Variants in RPS6KA5 observed in about 807,000 individuals in gnomAD.
RPS6KA5 encodes the protein ribosomal protein S6 kinase alpha-5.
RPS6KA5 carries 27 observed loss-of-function variants against 85.5 expected under a neutral mutation model. The ratio of observed to expected loss-of-function variants is 0.32; its 90% CI spans 0.23 to 0.44. The LOEUF (loss-of-function observed/expected upper bound fraction) is 0.44, where lower values mean the gene tolerates loss of function less well. Ranked by LOEUF, RPS6KA5 falls within the 20% of genes least tolerant of loss-of-function variation. The pLI, the probability that RPS6KA5 is intolerant of heterozygous loss-of-function variation, is 1.00. For synonymous variants in RPS6KA5, 334 were observed against 348.2 expected (o/e 0.96, Z 0.46); for missense variants, 811 against 980.9 (o/e 0.83, Z 2.31).
chr14:90,988,759 G>A (rs1235689531), intron 2 of RPS6KA5, among the ~76,000 whole-genome samples: 1 of 152,172 alleles, frequency 6.6e-6, no homozygotes, highest in Admixed American at 6.5e-5. Context: ...GTTGCAGTGA[G>A]CTGAGATCAT....
At chr14:90,927,865 T>C (rs1453749676) in intron 5 of RPS6KA5, among the ~76,000 whole-genome samples, 1 of 151,982 alleles carries the variant, frequency 6.6e-6, no homozygotes, top group East Asian at 1.9e-4. Flanking sequence ...CAAAATCCTG[T>C]ATCCATCAAT....
At chr14:90,910,089 A>AT (rs201309267) in intron 7 of RPS6KA5, among the ~76,000 whole-genome samples, 1 of 149,072 alleles carries the variant, frequency 6.7e-6, no homozygotes, top group Non-Finnish European at 1.5e-5. Context: ...AACTTGCATT[A>AT]TTTAAAAAAA....
rs146058435 is a variant in RPS6KA5, at chr14:90,975,363, T to C, written c.394+2943A>G. On this transcript the variant is annotated intron_variant, in intron 3 of 16. Coordinates refer to ENST00000614987, the MANE Select transcript of RPS6KA5 (RefSeq NM_004755.4). Reference sequence around the variant, plus strand: ...CTGAACTGTATCTTCCCAAAACTCATTATGTTGAAGTCCTAGCCTCCAGTA... The same window carrying C: ...CTGAACTGTATCTTCCCAAAACTCACTATGTTGAAGTCCTAGCCTCCAGTA... 2.5e-3 allele frequency among the ~76,000 whole-genome samples: 379 copies of C among 152,310 alleles called. 2 individuals are homozygous for C. Among genetic ancestry groups the C allele is most frequent in the Middle Eastern group, 0.01 (3 of 294 alleles).
chr14:90,970,817 G>C, intron 3 of RPS6KA5, among the ~76,000 whole-genome samples: 1 of 151,794 alleles, frequency 6.6e-6, no homozygotes, highest in Non-Finnish European at 1.5e-5. Flanking sequence ...TACAAGATTT[G>C]GGAAAAGTAA....
In RPS6KA5 at chr14:90,872,240, T is replaced by A. The variant is rs751709680; in HGVS notation, c.2243A>T (p.Lys748Met). The stretch of plus-strand genomic sequence containing the variant: ...GCGCGTCTCGGTACTGGTGCTAGTC[T>A]TTTTCATTTTTCTTCTCTTAGCCAA... The part of the protein sequence containing the change: ...APLAKRRKMK[K>M]TSTSTETRSS... Residue 748 changes from lysine to methionine, a missense_variant, in exon 17 of 17, where the codon AAG becomes ATG. By Grantham distance (95) the Lys-to-Met change is moderately conservative (BLOSUM62 -1). This residue lies in a region of RPS6KA5 where 650 missense variants were observed against 793.4 expected (regional missense o/e 0.82). Coordinates refer to ENST00000614987, the MANE Select transcript of RPS6KA5 (RefSeq NM_004755.4). The A allele has an allele frequency of 6.2e-7, 1 of 1,613,960 alleles. No individual in the cohort carries two copies. The highest frequency in any genetic ancestry group is 8.5e-7 in the Non-Finnish European group (1 of 1,179,986).
chr14:90,999,613 G>C (rs1416974012), intron 2 of RPS6KA5, among the ~76,000 whole-genome samples: 1 of 152,214 alleles, frequency 6.6e-6, no homozygotes, highest in Non-Finnish European at 1.5e-5. Flanking sequence ...GAGCAACACA[G>C]TCCAGGACAG....
At position 90,858,704 on chromosome 14, in the gene RPS6KA5, T is replaced by C. The variant is rs2032397983; in HGVS notation, c.*13370A>G. The C allele has an allele frequency of 1.3e-5, 2 of 152,108 alleles. No homozygotes were observed. The allele number at this position is 152,108 out of a possible 1,614,324, so 9.4% of individuals were successfully genotyped here. A position where few individuals can be genotyped will look rare whatever the true frequency, so the allele number is the denominator to read the frequency against. On this transcript the variant is annotated 3_prime_UTR_variant, in exon 17 of 17. Transcript: ENST00000614987. The stretch of plus-strand genomic sequence containing the variant: ...GAGAACTTGACGAGCTGCAATAAAA[T>C]AGCTGAAAGGAGGGAAAAAAGGGAA...
chr14:91,008,252 T>C (rs561007445), intron 1 of RPS6KA5, among the ~76,000 whole-genome samples: 2 of 152,316 alleles, frequency 1.3e-5, no homozygotes, highest in African/African-American at 4.8e-5. Flanking sequence ...ACAATTAAGG[T>C]AGAAATAAAG....
intron 7 of RPS6KA5, among the ~76,000 whole-genome samples, chr14:90,917,711 C>G (rs756377806): frequency 4.2e-4 from 60 of 144,110 alleles, no homozygotes; most frequent in Admixed American, 3.7e-4. Flanking sequence ...CATCCATTTG[C>G]AAGAGTATAA....
rs574233934 is a variant in RPS6KA5, at chr14:90,983,555, G to A, written c.176-5031C>T. 3.0e-4 allele frequency among the ~76,000 whole-genome samples: 46 copies of A among 150,986 alleles called. No homozygotes were observed. In the East Asian group the frequency reaches 4.2e-3, roughly 14 times the overall value. On this transcript the variant is annotated intron_variant, in intron 2 of 16. Transcript: ENST00000614987. ...GCAGAAGTTGCAGAGAGCTGAGATC[G>A]TGCCACTTGCACTCCAGCCTGGGCA... is the stretch of plus-strand genomic sequence containing the variant.
intron 5 of RPS6KA5, among the ~76,000 whole-genome samples, chr14:90,925,282 T>C (rs570975342): frequency 2.7e-4 from 41 of 152,310 alleles, no homozygotes; most frequent in African/African-American, 9.6e-4. Flanking sequence ...GGCTGTCAGC[T>C]CAAATGAGAT....
chr14:90,937,947 C>T (rs1400516800), intron 5 of RPS6KA5, among the ~76,000 whole-genome samples: 8 of 152,198 alleles, frequency 5.3e-5, no homozygotes, highest in Admixed American at 5.2e-4. Context: ...ATCATGCCTT[C>T]CCATCAGTCC....
At chr14:91,058,133 T>G (rs1396661117) in intron 1 of RPS6KA5, among the ~76,000 whole-genome samples, 2 of 152,242 alleles carry the variant, frequency 1.3e-5, no homozygotes, top group Admixed American at 1.3e-4. Context: ...GAAGTGCAGT[T>G]GGCTGAAGAT....
chr14:90,941,252 G>A (rs2037556718), intron 5 of RPS6KA5, among the ~76,000 whole-genome samples: 2 of 152,110 alleles, frequency 1.3e-5, no homozygotes, highest in South Asian at 4.1e-4. Flanking sequence ...TTACAAACAT[G>A]CTTCTGTGGC....
At chr14:90,989,940 T>G (rs898243021) in intron 2 of RPS6KA5, among the ~76,000 whole-genome samples, 1 of 152,070 alleles carries the variant, frequency 6.6e-6, no homozygotes, top group Admixed American at 6.6e-5. Flanking sequence ...GAGGAAAGAT[T>G]GCAGATGTGA....
rs1204528641 is a variant in RPS6KA5 at position 90,862,285 on chromosome 14, AG to A, written c.*9788del. 6.6e-6 allele frequency: 1 copy of A among 152,214 alleles called. No individual in the cohort carries two copies. The highest frequency in any genetic ancestry group is 1.5e-5 in the Non-Finnish European group (1 of 68,030). 9.4% of individuals were successfully genotyped at this position (152,214 alleles called of 1,614,324 possible). A position where few individuals can be genotyped will look rare whatever the true frequency, so the allele number is the denominator to read the frequency against. On this transcript the variant is annotated 3_prime_UTR_variant, in exon 17 of 17. Coordinates refer to ENST00000614987, the MANE Select transcript of RPS6KA5 (RefSeq NM_004755.4). ...TCAATGGTGAATTATTTTAAACAGGAGGAATAATATCAGGTGCAAACTCTTC... is the reference window on the plus strand; with the variant it reads ...TCAATGGTGAATTATTTTAAACAGGAGAATAATATCAGGTGCAAACTCTTC...
intron 2 of RPS6KA5, among the ~76,000 whole-genome samples, chr14:90,985,021 A>G (rs1286066): frequency 0.014 from 2,154 of 151,926 alleles, 63 homozygotes; most frequent in African/African-American, 0.05. Flanking sequence ...GCTCACCACA[A>G]CCTCCACCTT....
At chr14:90,917,863 A>G (rs2140283261) in intron 7 of RPS6KA5, among the ~76,000 whole-genome samples, 1 of 152,322 alleles carries the variant, frequency 6.6e-6, no homozygotes, top group Middle Eastern at 3.4e-3. Context: ...CATGTCTTAG[A>G]TAAATTCCTT....
chr14:90,966,550 C>G (rs1400226398), intron 3 of RPS6KA5, among the ~76,000 whole-genome samples: 1 of 152,160 alleles, frequency 6.6e-6, no homozygotes, highest in Admixed American at 6.5e-5. Flanking sequence ...TTAGAGAGTA[C>G]AGTGTACCAA....
Sources: allele counts gnomAD v4.1 joint callset (sites outside exome capture counted in the v4.1 genomes callset), GRCh38; gene constraint gnomAD v4.1.1; regional missense constraint gnomAD v4.1.1; transcripts MANE v1.5; gene names NCBI Gene and HGNC (gene_info 2026-07-23, HGNC 2026-07-21).